Variants in ZFPM2 observed in about 807,000 individuals in gnomAD.
ZFPM2 encodes the protein zinc finger protein, FOG family member 2, also known as zinc finger protein ZFPM2.
In ZFPM2, 20 loss-of-function variants were observed where a neutral mutation model predicts 98.6. The observed-to-expected ratio is 0.20, with a 90% CI of 0.14 to 0.29. ZFPM2 has a LOEUF of 0.29. ZFPM2 is among the 10% of genes least tolerant of loss of function. ZFPM2 has a pLI of 1.00. For synonymous variants in ZFPM2, 518 were observed against 502.7 expected (o/e 1.03, Z -0.41); for missense variants, 1,310 against 1,388.6 (o/e 0.94, Z 0.90).
At position 105,474,362 on chromosome 8, in the gene ZFPM2, T is replaced by G. The variant is rs182696041; in HGVS notation, c.301+29981T>G. Among the ~76,000 whole-genome samples the G allele has an allele frequency of 2.5e-3, 384 of 152,344 alleles. 1 individual carries two copies. Among genetic ancestry groups the G allele is most frequent in the Non-Finnish European group, 4.5e-3 (308 of 68,026 alleles). On this transcript the variant is annotated intron_variant, in intron 3 of 7. Transcript: ENST00000407775. ...TTTCAATCCAGCTACAACTAGCTCT[T>G]ATTTACCCATGTTGACAGTGATGGG...
At chr8:105,335,909 G>A (rs1217247690) in intron 1 of ZFPM2, among the ~76,000 whole-genome samples, 1 of 151,774 alleles carries the variant, frequency 6.6e-6, no homozygotes, top group Admixed American at 6.6e-5. Context: ...CTGTGGAAAT[G>A]TATTAGCCCA....
chr8:105,610,069 A>AG (rs1816278006), intron 4 of ZFPM2, among the ~76,000 whole-genome samples: 1 of 152,086 alleles, frequency 6.6e-6, no homozygotes, highest in African/African-American at 2.4e-5. Flanking sequence ...GAATTTCTTG[A>AG]GGGGGAAAAA....
At chr8:105,416,354 G>A (rs1163070252) in intron 1 of ZFPM2, among the ~76,000 whole-genome samples, 3 of 151,254 alleles carry the variant, frequency 2.0e-5, no homozygotes, top group Non-Finnish European at 3.0e-5. Context: ...TATTCATTAC[G>A]TATTATTCTT....
chr8:105,467,977 C>G (rs1042935669), intron 3 of ZFPM2, among the ~76,000 whole-genome samples: 2 of 151,978 alleles, frequency 1.3e-5, no homozygotes, highest in Non-Finnish European at 2.9e-5. Flanking sequence ...CTAAAATAAT[C>G]TAAAGAGAGA....
intron 3 of ZFPM2, among the ~76,000 whole-genome samples, chr8:105,544,689 G>A (rs1179530463): frequency 6.6e-6 from 1 of 152,174 alleles, no homozygotes. Flanking sequence ...TGGGTTTGCA[G>A]TATTGATTTA....
At chr8:105,373,186 A>G (rs1362013871) in intron 1 of ZFPM2, among the ~76,000 whole-genome samples, 1 of 152,202 alleles carries the variant, frequency 6.6e-6, no homozygotes, top group Non-Finnish European at 1.5e-5. Context: ...TATCAGCATT[A>G]GATGAAAGCA....
chr8:105,558,515 A>G (rs1411395947), intron 3 of ZFPM2, among the ~76,000 whole-genome samples: 1 of 152,140 alleles, frequency 6.6e-6, no homozygotes, highest in Admixed American at 6.5e-5. Context: ...TTAATGGATA[A>G]TCAAAGACAC....
chr8:105,687,271 A>G (rs548142780), intron 5 of ZFPM2, among the ~76,000 whole-genome samples: 10 of 152,224 alleles, frequency 6.6e-5, no homozygotes, highest in African/African-American at 2.4e-4. Flanking sequence ...GTTGTTGTTG[A>G]GTCATTATAC....
intron 3 of ZFPM2, among the ~76,000 whole-genome samples, chr8:105,505,773 C>T (rs1586422593): frequency 6.6e-6 from 1 of 152,072 alleles, no homozygotes; most frequent in East Asian, 1.9e-4. Context: ...CCAATTTATA[C>T]ACAAAAGGCA....
intron 5 of ZFPM2, among the ~76,000 whole-genome samples, chr8:105,665,310 A>G (rs1817468726): frequency 6.6e-6 from 1 of 152,200 alleles, no homozygotes; most frequent in East Asian, 1.9e-4. Context: ...TAAGGTTCCA[A>G]CAAATGAACT....
chr8:105,606,273 T>C (rs1054251371), intron 4 of ZFPM2, among the ~76,000 whole-genome samples: 3 of 152,100 alleles, frequency 2.0e-5, no homozygotes, highest in African/African-American at 7.2e-5. Flanking sequence ...TTTATATTGA[T>C]TTTCAGGTAA....
At chr8:105,524,147 C>A (rs1814121255) in intron 3 of ZFPM2, among the ~76,000 whole-genome samples, 1 of 152,088 alleles carries the variant, frequency 6.6e-6, no homozygotes, top group Non-Finnish European at 1.5e-5. Context: ...ATAATTGAGG[C>A]ACTTTGGGGA....
intron 5 of ZFPM2, among the ~76,000 whole-genome samples, chr8:105,695,882 G>A (rs1251496495): frequency 6.6e-6 from 1 of 152,104 alleles, no homozygotes; most frequent in African/African-American, 2.4e-5. Context: ...AAAAAAGAGT[G>A]CTTTTGTAAA....
chr8:105,507,753 T>C (rs1442581563), intron 3 of ZFPM2, among the ~76,000 whole-genome samples: 1 of 152,142 alleles, frequency 6.6e-6, no homozygotes, highest in African/African-American at 2.4e-5. Flanking sequence ...TATTTAGTCT[T>C]GGGGAAAAGT....
chr8:105,508,186 G>T (rs1214667535), intron 3 of ZFPM2, among the ~76,000 whole-genome samples: 2 of 152,126 alleles, frequency 1.3e-5, no homozygotes, highest in African/African-American at 2.4e-5. Flanking sequence ...GTTTACAGCA[G>T]CAAAATCCCA....
chr8:105,627,766 G>A (rs899744177), intron 4 of ZFPM2, among the ~76,000 whole-genome samples: 25 of 152,226 alleles, frequency 1.6e-4, no homozygotes, highest in Middle Eastern at 6.8e-3. Context: ...TTGGCCATTG[G>A]ATCTTACGGG....
intron 2 of ZFPM2, among the ~76,000 whole-genome samples, chr8:105,433,619 C>T (rs533000113): frequency 4.6e-5 from 7 of 152,150 alleles, no homozygotes; most frequent in Admixed American, 3.3e-4. Context: ...AACCCAATCT[C>T]TACTAAAAAT....
At chr8:105,412,527 G>A (rs1811597032) in intron 1 of ZFPM2, among the ~76,000 whole-genome samples, 1 of 151,598 alleles carries the variant, frequency 6.6e-6, no homozygotes, top group Admixed American at 6.6e-5. Context: ...TCTGCTACCT[G>A]CAGGCAACAA....
chr8:105,358,255 AT>A (rs71577973), intron 1 of ZFPM2, among the ~76,000 whole-genome samples: 299 of 142,820 alleles, frequency 2.1e-3, no homozygotes, highest in African/African-American at 4.6e-3. Context: ...CCCAAGATTC[AT>A]TTTTTTTTTT....
Sources: allele counts gnomAD v4.1 joint callset (sites outside exome capture counted in the v4.1 genomes callset), GRCh38; gene constraint gnomAD v4.1.1; transcripts MANE v1.5; gene names NCBI Gene and HGNC (gene_info 2026-07-23, HGNC 2026-07-21).